The following MARCHF3 variants were observed in gnomAD, a reference collection of about 807,000 sequenced individuals.
The protein encoded by MARCHF3 is membrane associated ring-CH-type finger 3, also known as E3 ubiquitin-protein ligase MARCHF3.
MARCHF3 carries 13 observed loss-of-function variants against 24.2 expected under a neutral mutation model. The observed-to-expected ratio is 0.54, with a 90% confidence interval of 0.35 to 0.85. The LOEUF (loss-of-function observed/expected upper bound fraction) is 0.85, where lower values mean the gene tolerates loss of function less well. Among genes scored for constraint, MARCHF3 ranks in the 40% least tolerant of loss-of-function variants. MARCHF3 has a pLI of 0.01. For synonymous variants in MARCHF3, 144 were observed against 137.3 expected (o/e 1.05, Z -0.34); for missense variants, 276 against 325.0 (o/e 0.85, Z 1.16).
At chr5:126,981,810 T>C (rs2126836483) in intron 1 of MARCHF3, among the ~76,000 whole-genome samples, 1 of 152,358 alleles carries the variant, frequency 6.6e-6, no homozygotes, top group South Asian at 2.1e-4. Flanking sequence ...TCAAATATTA[T>C]GTTCAGGGTG....
intron 3 of MARCHF3, among the ~76,000 whole-genome samples, chr5:126,904,063 G>C (rs1205740934): frequency 1.3e-5 from 2 of 150,114 alleles, no homozygotes; most frequent in Admixed American, 1.3e-4. Context: ...AATATGCAGT[G>C]TTTGGTTTTT....
chr5:127,017,814 C>T (rs1752679012), intron 1 of MARCHF3, among the ~76,000 whole-genome samples: 1 of 151,936 alleles, frequency 6.6e-6, no homozygotes, highest in Non-Finnish European at 1.5e-5. Flanking sequence ...AAATGAATAA[C>T]TTTTTTTTAG....
chr5:127,024,162 G>C (rs946550809), intron 1 of MARCHF3, among the ~76,000 whole-genome samples: 3 of 152,176 alleles, frequency 2.0e-5, no homozygotes, highest in Admixed American at 1.3e-4. Flanking sequence ...ATGAAACAGA[G>C]GGACTTTGGA....
intron 1 of MARCHF3, among the ~76,000 whole-genome samples, chr5:127,002,321 G>C (rs1254838983): frequency 4.6e-5 from 7 of 152,154 alleles, no homozygotes; most frequent in African/African-American, 1.7e-4. Context: ...ATATTTGTTA[G>C]TTTTCAAGTT....
intron 1 of MARCHF3, among the ~76,000 whole-genome samples, chr5:126,931,015 C>T (rs577470671): frequency 2.5e-4 from 38 of 152,144 alleles, no homozygotes; most frequent in Middle Eastern, 3.2e-3. Flanking sequence ...TTTGGGAAAT[C>T]GAGATGCTCA....
chr5:126,957,161 C>T (rs1038364391), intron 1 of MARCHF3, among the ~76,000 whole-genome samples: 4 of 152,042 alleles, frequency 2.6e-5, no homozygotes, highest in Non-Finnish European at 5.9e-5. Flanking sequence ...CGTTTCTTGG[C>T]CATAGTATTT....
intron 1 of MARCHF3, among the ~76,000 whole-genome samples, chr5:126,958,252 CAG>C (rs1750514384): frequency 6.6e-6 from 1 of 152,042 alleles, no homozygotes; most frequent in Admixed American, 6.6e-5. Flanking sequence ...ATCATGATGA[CAG>C]GGAATATCTT....
chr5:126,890,618 C>T (rs1753657545), intron 3 of MARCHF3, among the ~76,000 whole-genome samples: 1 of 151,916 alleles, frequency 6.6e-6, no homozygotes. Flanking sequence ...GGCATGAACT[C>T]ATCATTTTTT....
chr5:126,940,715 G>A (rs1307724056), intron 1 of MARCHF3, among the ~76,000 whole-genome samples: 1 of 151,318 alleles, frequency 6.6e-6, no homozygotes, highest in East Asian at 1.9e-4. Context: ...CCAAAGTGCT[G>A]GGATTACAGG....
At chr5:126,884,808 C>T (rs535552360) in intron 3 of MARCHF3, among the ~76,000 whole-genome samples, 10 of 152,346 alleles carry the variant, frequency 6.6e-5, no homozygotes, top group African/African-American at 1.2e-4. Flanking sequence ...TCCCTGCTTC[C>T]ACTCTGGCCA....
intron 3 of MARCHF3, among the ~76,000 whole-genome samples, chr5:126,904,641 G>C (rs1483688277): frequency 6.7e-6 from 1 of 149,490 alleles, no homozygotes; most frequent in Non-Finnish European, 1.5e-5. Flanking sequence ...CATGTCCTTC[G>C]CCCACTTTTT....
intron 3 of MARCHF3, among the ~76,000 whole-genome samples, chr5:126,890,339 A>C (rs1753641602): frequency 6.6e-6 from 1 of 151,138 alleles, no homozygotes; most frequent in Non-Finnish European, 1.5e-5. Flanking sequence ...CACATTGTGC[A>C]GGTTAGTTAC....
At chr5:126,897,735 C>T (rs1441832144) in intron 3 of MARCHF3, among the ~76,000 whole-genome samples, 1 of 151,878 alleles carries the variant, frequency 6.6e-6, no homozygotes, top group East Asian at 1.9e-4. Flanking sequence ...AAATAGGAGA[C>T]CATTAGAGCA....
At chr5:126,985,570 A>T (rs979475889) in intron 1 of MARCHF3, among the ~76,000 whole-genome samples, 7 of 151,862 alleles carry the variant, frequency 4.6e-5, no homozygotes, top group Admixed American at 2.0e-4. Context: ...CTTGGGTTCA[A>T]GCAATTCCCC....
chr5:126,889,691 G>T (rs1003109761), intron 3 of MARCHF3, among the ~76,000 whole-genome samples: 3 of 152,082 alleles, frequency 2.0e-5, no homozygotes, highest in African/African-American at 7.2e-5. Context: ...TGCCTAAAAG[G>T]GCCCCACATA....
At chr5:126,972,380 C>A (rs946885112) in intron 1 of MARCHF3, among the ~76,000 whole-genome samples, 1 of 152,058 alleles carries the variant, frequency 6.6e-6, no homozygotes, top group African/African-American at 2.4e-5. Flanking sequence ...AGTATCTGTT[C>A]ATTCATAATC....
intron 1 of MARCHF3, among the ~76,000 whole-genome samples, chr5:126,994,386 C>T (rs139855771): frequency 1.3e-5 from 2 of 152,144 alleles, no homozygotes; most frequent in East Asian, 3.9e-4. Flanking sequence ...ATGAGAGCAC[C>T]TAGGGGGTAG....
At chr5:126,932,416 C>T (rs1749508033) in intron 1 of MARCHF3, among the ~76,000 whole-genome samples, 1 of 152,090 alleles carries the variant, frequency 6.6e-6, no homozygotes, top group Non-Finnish European at 1.5e-5. Flanking sequence ...AGTGTCTTAC[C>T]CAGTGGGTGC....
chr5:126,912,928 G>A (rs529594568), intron 3 of MARCHF3, among the ~76,000 whole-genome samples: 30 of 152,264 alleles, frequency 2.0e-4, no homozygotes, highest in African/African-American at 6.0e-4. Flanking sequence ...TGACCGTTTG[G>A]GTGAAGTTTT....
Sources: allele counts gnomAD v4.1 joint callset (sites outside exome capture counted in the v4.1 genomes callset), GRCh38; gene constraint gnomAD v4.1.1; transcripts MANE v1.5; gene names NCBI Gene and HGNC (gene_info 2026-07-23, HGNC 2026-07-21).